Variants in TMTC2 observed in about 807,000 individuals in gnomAD.
The protein encoded by TMTC2 is transmembrane O-mannosyltransferase targeting cadherins 2.
A neutral mutation model predicts 82.4 loss-of-function variants in TMTC2; 43 were observed. The ratio of observed to expected loss-of-function variants is 0.52; its 90% CI spans 0.41 to 0.67. The LOEUF (loss-of-function observed/expected upper bound fraction) is 0.67. TMTC2 is among the 30% of genes least tolerant of loss of function. TMTC2 has a pLI of 0.00. For missense variants in TMTC2, 919 were observed against 1,012.4 expected (o/e 0.91, Z 1.25); for synonymous variants, 408 against 381.9 (o/e 1.07, Z -0.80).
chr12:82,980,808 C>G (rs1399116368), intron 7 of TMTC2, among the ~76,000 whole-genome samples: 2 of 151,878 alleles, frequency 1.3e-5, no homozygotes, highest in African/African-American at 4.8e-5. Context: ...CCCATAGCCA[C>G]TTACTATCTG....
chr12:82,794,020 T>C (rs924341621), intron 1 of TMTC2, among the ~76,000 whole-genome samples: 5 of 152,156 alleles, frequency 3.3e-5, no homozygotes. Context: ...TTCAGCTTTC[T>C]GATAGAAACC....
chr12:83,092,021 G>C (rs1478534522), intron 11 of TMTC2, among the ~76,000 whole-genome samples: 1 of 152,206 alleles, frequency 6.6e-6, no homozygotes, highest in Non-Finnish European at 1.5e-5. Context: ...GAGGAAGGGG[G>C]TGAGAGAGTA....
Position 83,080,710 on chromosome 12 carries a change from A to T in TMTC2, c.2331+18879A>T, listed in dbSNP as rs532923696. Among the ~76,000 whole-genome samples, 40 of 152,334 alleles carry T rather than the reference A, an allele frequency of 2.6e-4. No homozygotes were observed. The South Asian group carries it at 8.1e-3, about 31-fold the overall frequency. ...CACCATTATAAATAAAACCCAGGGC[A>T]CTGAGATCACTGGACAGTTCTTGTC... On this transcript the variant is annotated intron_variant, in intron 11 of 11. Transcript: ENST00000321196.
Position 82,857,561 on chromosome 12 carries a change from T to TA in TMTC2, c.636dup (p.Leu213IlefsTer17), listed in dbSNP as rs780853051. 1 of 1,609,056 alleles carries TA rather than the reference T, an allele frequency of 6.2e-7. No homozygotes were observed. The highest frequency in any genetic ancestry group is 1.1e-5 in the South Asian group (1 of 90,178). ...TTTCACAGGCTGAAAATAAAACAGA[T>TA]ATTACCTACCATTTACAAAGTAAGT... On this transcript the variant is annotated frameshift_variant, in exon 2 of 12. Transcript: ENST00000321196. LOFTEE classifies it high-confidence loss of function.
intron 9 of TMTC2, among the ~76,000 whole-genome samples, chr12:83,044,072 T>A (rs1881997950): frequency 6.6e-6 from 1 of 152,148 alleles, no homozygotes; most frequent in Non-Finnish European, 1.5e-5. Flanking sequence ...GAATGGTACC[T>A]TTGGGAAGCA....
chr12:83,059,107 A>G (rs563708910), intron 10 of TMTC2, among the ~76,000 whole-genome samples: 24 of 151,964 alleles, frequency 1.6e-4, no homozygotes, highest in African/African-American at 5.3e-4. Context: ...GTCTGCTTTA[A>G]TAGTCTCGGG....
At chr12:82,764,293 A>G (rs1702890926) in intron 1 of TMTC2, among the ~76,000 whole-genome samples, 1 of 152,048 alleles carries the variant, frequency 6.6e-6, no homozygotes, top group African/African-American at 2.4e-5. Context: ...ATGCACCACC[A>G]CACCCAGATA....
In TMTC2 at chr12:83,091,622, T is replaced by G. The variant is rs1335600418; in HGVS notation, c.2331+29791T>G. Reference sequence around the variant, plus strand: ...TTTCAAGTTACATCTTTTTGGCTACTACTGTGGTAATAACAGGTATTTTCA... The same window carrying G: ...TTTCAAGTTACATCTTTTTGGCTACGACTGTGGTAATAACAGGTATTTTCA... On this transcript the variant is annotated intron_variant, in intron 11 of 11. Coordinates refer to ENST00000321196, the MANE Select transcript of TMTC2 (RefSeq NM_152588.3). Among the ~76,000 whole-genome samples the G allele has an allele frequency of 2.0e-5, 3 of 152,254 alleles. No homozygotes were observed. In the East Asian group the frequency reaches 5.8e-4, roughly 29 times the overall value.
At chr12:82,769,704 G>A (rs1300345051) in intron 1 of TMTC2, among the ~76,000 whole-genome samples, 2 of 152,122 alleles carry the variant, frequency 1.3e-5, no homozygotes, top group South Asian at 2.1e-4. Flanking sequence ...TCCACCTCCC[G>A]GGTTCATGTG....
chr12:82,862,797 C>T (rs1305298876), intron 2 of TMTC2, among the ~76,000 whole-genome samples: 1 of 152,152 alleles, frequency 6.6e-6, no homozygotes, highest in African/African-American at 2.4e-5. Context: ...ATTCTACATC[C>T]AGATAATAGT....
At position 82,883,865 on chromosome 12, in the gene TMTC2, C is replaced by T. The variant is rs148757461; in HGVS notation, c.655-11953C>T. Among the ~76,000 whole-genome samples the T allele has an allele frequency of 9.9e-5, 15 of 152,268 alleles. No homozygotes were observed. In the East Asian group the frequency reaches 2.9e-3, roughly 29 times the overall value. ...GTGTTTTCATAGTCAAGAGAAGTAT[C>T]TTCTTTACTTTCGTTTAAAACTTTT... is the stretch of plus-strand genomic sequence containing the variant. On this transcript the variant is annotated intron_variant, in intron 2 of 11. Transcript: ENST00000321196.
chr12:82,993,755 C>A (rs1418690254), intron 8 of TMTC2, among the ~76,000 whole-genome samples: 1 of 152,042 alleles, frequency 6.6e-6, no homozygotes, highest in Non-Finnish European at 1.5e-5. Flanking sequence ...TCATAGTCAG[C>A]GACTCTCTGA....
At chr12:82,767,151 A>G (rs1877010844) in intron 1 of TMTC2, among the ~76,000 whole-genome samples, 1 of 152,180 alleles carries the variant, frequency 6.6e-6, no homozygotes, top group South Asian at 2.1e-4. Flanking sequence ...TTGTGTGGTT[A>G]TGTAATTCTT....
At chr12:83,125,829 A>T (rs1885082826) in intron 11 of TMTC2, among the ~76,000 whole-genome samples, 1 of 152,192 alleles carries the variant, frequency 6.6e-6, no homozygotes, top group Non-Finnish European at 1.5e-5. Flanking sequence ...ACCAAGTGTT[A>T]TTAAGGATAT....
At position 82,811,151 on chromosome 12, in the gene TMTC2, G is replaced by A. The variant is rs553600361; in HGVS notation, c.84-45859G>A. Among the ~76,000 whole-genome samples the A allele has an allele frequency of 1.9e-4, 29 of 152,136 alleles. 1 individual carries two copies. Among genetic ancestry groups the A allele is most frequent in the African/African-American group, 5.8e-4 (24 of 41,518 alleles). On this transcript the variant is annotated intron_variant, in intron 1 of 11. Coordinates refer to ENST00000321196, the MANE Select transcript of TMTC2 (RefSeq NM_152588.3). ...TGAGGCAGGAGAATCACTTGAACCCGGGAGGCAGAGGTTGCAGTGAGCCGA... is the reference window on the plus strand; with the variant it reads ...TGAGGCAGGAGAATCACTTGAACCCAGGAGGCAGAGGTTGCAGTGAGCCGA...
intron 1 of TMTC2, among the ~76,000 whole-genome samples, chr12:82,827,436 A>T (rs988448763): frequency 6.6e-6 from 1 of 152,200 alleles, no homozygotes; most frequent in Non-Finnish European, 1.5e-5. Context: ...TCTTGCCGGC[A>T]TTCAAGACTT....
At chr12:83,028,525 T>C (rs10862566) in intron 8 of TMTC2, among the ~76,000 whole-genome samples, 90,078 of 152,030 alleles carry the variant, frequency 0.59, 27,226 homozygotes, top group South Asian at 0.74. Context: ...TTGTGTTGTG[T>C]GTTCTATGAA....
At chr12:83,083,354 A>G (rs61929898) in intron 11 of TMTC2, among the ~76,000 whole-genome samples, 56,833 of 151,972 alleles carry the variant, frequency 0.37, 10,643 homozygotes, top group Middle Eastern at 0.42. Flanking sequence ...CCAAGAAACA[A>G]TGTGGCTTGC....
chr12:83,037,886 A>G (rs1363452333), intron 9 of TMTC2, among the ~76,000 whole-genome samples: 1 of 152,164 alleles, frequency 6.6e-6, no homozygotes, highest in African/African-American at 2.4e-5. Flanking sequence ...TAATTTCTTT[A>G]AAGGCAAAAA....
Sources: allele counts gnomAD v4.1 joint callset (sites outside exome capture counted in the v4.1 genomes callset), GRCh38; gene constraint gnomAD v4.1.1; transcripts MANE v1.5; gene names NCBI Gene and HGNC (gene_info 2026-07-23, HGNC 2026-07-21).